Variants in CDK6 observed in about 807,000 individuals in gnomAD.
CDK6 encodes the protein cyclin dependent kinase 6, also known as cyclin-dependent kinase 6.
In CDK6, 6 loss-of-function variants were observed where a neutral mutation model predicts 37.1. The ratio of observed to expected loss-of-function variants is 0.16; its 90% CI spans 0.09 to 0.32. The LOEUF (loss-of-function observed/expected upper bound fraction) is 0.32, where lower values mean the gene tolerates loss of function less well. Ranked by LOEUF, CDK6 falls within the 10% of genes least tolerant of loss-of-function variation. CDK6 has a pLI of 1.00. For synonymous variants in CDK6, 160 were observed against 161.3 expected (o/e 0.99, Z 0.06); for missense variants, 224 against 418.9 (o/e 0.53, Z 4.06).
At chr7:92,784,626 T>C (rs1320997275) in intron 2 of CDK6, among the ~76,000 whole-genome samples, 2 of 152,132 alleles carry the variant, frequency 1.3e-5, no homozygotes, top group African/African-American at 4.8e-5. Flanking sequence ...CTGTGGCTTT[T>C]GGTGAGAGGA....
At chr7:92,814,090 C>G (rs182777692) in intron 2 of CDK6, among the ~76,000 whole-genome samples, 1 of 152,134 alleles carries the variant, frequency 6.6e-6, no homozygotes, top group Non-Finnish European at 1.5e-5. Context: ...GTTTGTTTCC[C>G]TTAAGAAAAA....
In CDK6 at chr7:92,618,096, A is replaced by G; in HGVS notation, c.810T>C (p.Asp270=). 2 of 1,614,148 alleles carry G rather than the reference A, an allele frequency of 1.2e-6. No individual in the cohort carries two copies. The highest frequency in any genetic ancestry group is 1.7e-6 in the Non-Finnish European group (2 of 1,180,002). The part of the protein sequence containing the change: ...QPIEKFVTDI[D]ELGKDLLLKC... ...CCAGAAGTAGGTCTTTGCCTAGTTC[A>G]TCGATATCTGTTACAAACTTCTCAA... The change falls in exon 7 of 8, where the codon GAT becomes GAC. Residue 270 remains aspartate (D), a synonymous_variant. Coordinates refer to ENST00000424848, the MANE Select transcript of CDK6 (RefSeq NM_001145306.2).
chr7:92,755,590 A>G (rs941059447), intron 3 of CDK6, among the ~76,000 whole-genome samples: 3 of 152,182 alleles, frequency 2.0e-5, no homozygotes, highest in Non-Finnish European at 4.4e-5. Context: ...AATGCTTTAC[A>G]AACCGCTTCA....
chr7:92,633,861 A>G lies in CDK6; in HGVS notation c.648-10775T>C, dbSNP rs575102442. Among the ~76,000 whole-genome samples, 75 of 152,256 alleles carry G rather than the reference A, an allele frequency of 4.9e-4. No homozygotes were observed. In the South Asian group the frequency reaches 0.015, roughly 31 times the overall value. ...AATGATTTAGCACTGTGATATGTAC[A>G]CAGTGTGATAGGAATGTAGTGTAGC... On this transcript the variant is annotated intron_variant, in intron 5 of 7. Coordinates refer to ENST00000424848, the MANE Select transcript of CDK6 (RefSeq NM_001145306.2).
chr7:92,820,919 A>G (rs906587113), intron 2 of CDK6, among the ~76,000 whole-genome samples: 1 of 151,868 alleles, frequency 6.6e-6, no homozygotes, highest in African/African-American at 2.4e-5. Context: ...CCTTTTTATC[A>G]TAAGCCCTTT....
chr7:92,749,961 A>G (rs1233968142), intron 3 of CDK6, among the ~76,000 whole-genome samples: 1 of 152,204 alleles, frequency 6.6e-6, no homozygotes, highest in Non-Finnish European at 1.5e-5. Context: ...CTAGTTGAGG[A>G]GAATAAAATG....
chr7:92,763,946 G>GTGGT (rs1199886409), intron 3 of CDK6, among the ~76,000 whole-genome samples: 1 of 152,062 alleles, frequency 6.6e-6, no homozygotes, highest in East Asian at 1.9e-4. Context: ...AGCACCCCAG[G>GTGGT]TGGTTGATTC....
intron 4 of CDK6, among the ~76,000 whole-genome samples, chr7:92,683,408 T>TACTA (rs1158296962): frequency 6.6e-6 from 1 of 152,214 alleles, no homozygotes. Flanking sequence ...ATATGGTTAG[T>TACTA]GCAAGTGATG....
At position 92,698,725 on chromosome 7, in the gene CDK6, C is replaced by T. The variant is rs563529806; in HGVS notation, c.537+26901G>A. Among the ~76,000 whole-genome samples the T allele has an allele frequency of 2.6e-5, 4 of 152,250 alleles. No individual in the cohort carries two copies. In the South Asian group the frequency reaches 8.3e-4, roughly 32 times the overall value. On this transcript the variant is annotated intron_variant, in intron 4 of 7. Transcript: ENST00000424848. The stretch of plus-strand genomic sequence containing the variant: ...CGGTCTGTGCACTGCACCATTGTTC[C>T]CAGAGTCTGTCACGCACAATCACTG...
At chr7:92,820,754 A>G (rs1801151773) in intron 2 of CDK6, among the ~76,000 whole-genome samples, 1 of 152,128 alleles carries the variant, frequency 6.6e-6, no homozygotes, top group Non-Finnish European at 1.5e-5. Flanking sequence ...AATAGATATT[A>G]CTGAAGTTTA....
chr7:92,753,045 C>A (rs192916716), intron 3 of CDK6, among the ~76,000 whole-genome samples: 250 of 152,164 alleles, frequency 1.6e-3, no homozygotes, highest in African/African-American at 5.6e-3. Context: ...AAAGAAACAA[C>A]CTACTTTATG....
At chr7:92,701,262 A>G (rs545235182) in intron 4 of CDK6, among the ~76,000 whole-genome samples, 2 of 152,378 alleles carry the variant, frequency 1.3e-5, no homozygotes, top group East Asian at 3.9e-4. Context: ...AGATGAGCAC[A>G]GAAAAATATA....
At chr7:92,733,105 C>G (rs1447928748) in intron 3 of CDK6, among the ~76,000 whole-genome samples, 2 of 152,078 alleles carry the variant, frequency 1.3e-5, no homozygotes. Flanking sequence ...ATGTTATGAA[C>G]ATTATCTTTC....
intron 4 of CDK6, among the ~76,000 whole-genome samples, chr7:92,678,815 G>A (rs955500483): frequency 6.6e-6 from 1 of 152,182 alleles, no homozygotes; most frequent in African/African-American, 2.4e-5. Flanking sequence ...ACTGGCTTTG[G>A]CCAATGGGAA....
chr7:92,818,904 A>G (rs1321616460), intron 2 of CDK6, among the ~76,000 whole-genome samples: 1 of 152,054 alleles, frequency 6.6e-6, no homozygotes, highest in Admixed American at 6.6e-5. Flanking sequence ...ATGACTAAAA[A>G]TAAAAAGATT....
chr7:92,709,110 C>T (rs922955208), intron 4 of CDK6, among the ~76,000 whole-genome samples: 2 of 152,128 alleles, frequency 1.3e-5, no homozygotes, highest in African/African-American at 4.8e-5. Context: ...CTCATTCTTG[C>T]TCTCACGTAG....
intron 2 of CDK6, among the ~76,000 whole-genome samples, chr7:92,828,375 T>C (rs1038542075): frequency 6.6e-6 from 1 of 152,090 alleles, no homozygotes; most frequent in Non-Finnish European, 1.5e-5. Context: ...CCGATTTAAC[T>C]GCTTCCATCA....
intron 4 of CDK6, among the ~76,000 whole-genome samples, chr7:92,685,815 GAGTAACTTGA>G (rs1037294105): frequency 1.3e-5 from 2 of 152,152 alleles, no homozygotes; most frequent in African/African-American, 4.8e-5. Flanking sequence ...CTTTACAATA[GAGTAACTTGA>G]AGTAACCTGA....
At chr7:92,802,380 C>A (rs185055351) in intron 2 of CDK6, among the ~76,000 whole-genome samples, 4 of 152,126 alleles carry the variant, frequency 2.6e-5, no homozygotes, top group African/African-American at 9.7e-5. Flanking sequence ...AACTATCAAT[C>A]CTTGCAAAGG....
Sources: allele counts gnomAD v4.1 joint callset (sites outside exome capture counted in the v4.1 genomes callset), GRCh38; gene constraint gnomAD v4.1.1; transcripts MANE v1.5; gene names NCBI Gene and HGNC (gene_info 2026-07-23, HGNC 2026-07-21).